Variants in TERT observed in about 807,000 individuals in gnomAD.
The protein encoded by TERT is telomerase catalytic subunit.
A neutral mutation model predicts 104.0 loss-of-function variants in TERT; 42 were observed. The ratio of observed to expected loss-of-function variants is 0.40; its 90% CI spans 0.32 to 0.52. TERT has a LOEUF of 0.52. Among genes scored for constraint, TERT ranks in the 20% least tolerant of loss-of-function variants. The pLI is 0.43. For missense variants in TERT, 1,101 were observed against 1,610.3 expected (o/e 0.68, Z 5.41); for synonymous variants, 781 against 725.6 (o/e 1.08, Z -1.23).
chr5:1,272,767 G>A (rs866698088), intron 6 of TERT, among the ~76,000 whole-genome samples: 5 of 6,562 alleles, frequency 7.6e-4, no homozygotes, highest in African/African-American at 1.9e-3. Flanking sequence ...CAGACCCCAC[G>A]ACCGCCATCC....
chr5:1,293,574 G>C lies in TERT; in HGVS notation c.1312C>G (p.Pro438Ala). The C allele has an allele frequency of 6.5e-7, 1 of 1,545,978 alleles. No homozygotes were observed. Residue 438 changes from proline (P) to alanine (A), a missense_variant, in exon 2 of 16, where the codon CCC becomes GCC. By Grantham distance (27) the Pro-to-Ala change is conservative. This residue lies in a region of TERT where 504 missense variants were observed against 544.6 expected (regional missense o/e 0.93). Transcript: ENST00000310581. ...REKPQGSVAAPEEEDTDPRRL... is the reference protein window; with the variant it reads ...REKPQGSVAAAEEEDTDPRRL... ...CGGGGGTCTGTGTCCTCCTCCTCGG[G>C]GGCCGCCACAGAGCCCTGGGGCTTC...
At position 1,294,297 on chromosome 5, in the gene TERT, G is replaced by C; in HGVS notation, c.589C>G (p.Leu197Val). 6.3e-7 allele frequency: 1 copy of C among 1,593,556 alleles called. No homozygotes were observed. Among genetic ancestry groups the C allele is most frequent in the Non-Finnish European group, 8.5e-7 (1 of 1,176,340 alleles). The part of the protein sequence containing the change: ...PPHASGPRRR[L>V]GCERAWNHSV... The stretch of plus-strand genomic sequence containing the variant: ...TGGTTCCAGGCCCGTTCGCATCCCA[G>C]ACGCCTTCGGGGTCCACTAGCGTGT... The change falls in exon 2 of 16, where the codon CTG becomes GTG. Residue 197 changes from leucine (L) to valine (V), a missense_variant. Coordinates refer to ENST00000310581, the MANE Select transcript of TERT (RefSeq NM_198253.3).
rs1750610463 is a variant in TERT at position 1,288,221 on chromosome 5, A to G, written c.1573+5092T>C. 6.6e-6 allele frequency among the ~76,000 whole-genome samples: 1 copy of G among 152,080 alleles called. No homozygotes were observed. The highest frequency in any genetic ancestry group is 6.6e-5 in the Admixed American group (1 of 15,136). ...TAACACTTTGAAGTATTTTAAGAAC[A>G]CTTGAAAGTGGCTGATGTTGAGATT... On this transcript the variant is annotated intron_variant, in intron 2 of 15. Coordinates refer to ENST00000310581, the MANE Select transcript of TERT (RefSeq NM_198253.3). This position sits in a 1 kb window ranked among gnomAD's most constrained non-coding sequence, Gnocchi z 5.3.
At chr5:1,276,556 T>TCCCACAGATC (rs1158136313) in intron 6 of TERT, among the ~76,000 whole-genome samples, 1 of 82,830 alleles carries the variant, frequency 1.2e-5, no homozygotes, top group Non-Finnish European at 2.4e-5. Flanking sequence ...TGAAAACCAA[T>TCCCACAGATC]CCCACCTACC....
At position 1,288,615 on chromosome 5, in the gene TERT, G is replaced by C. The variant is rs1011338247; in HGVS notation, c.1573+4698C>G. 7.2e-5 allele frequency among the ~76,000 whole-genome samples: 11 copies of C among 152,110 alleles called. No homozygotes were observed. Among genetic ancestry groups the C allele is most frequent in the Non-Finnish European group, 1.5e-4 (10 of 68,026 alleles). Reference sequence around the variant, plus strand: ...GCCACCCACCCAAGGGGGCCAAGCAGAGGGGCAGCTTGGGAGAAAACAGGA... The same window carrying C: ...GCCACCCACCCAAGGGGGCCAAGCACAGGGGCAGCTTGGGAGAAAACAGGA... On this transcript the variant is annotated intron_variant, in intron 2 of 15. Transcript: ENST00000310581. The surrounding 1 kb of genome is among the most constrained non-coding windows in gnomAD (Gnocchi z 5.3).
intron 6 of TERT, among the ~76,000 whole-genome samples, chr5:1,277,410 G>T (rs931194203): frequency 2.0e-5 from 3 of 152,220 alleles, no homozygotes; most frequent in Admixed American, 2.0e-4. Context: ...ATACATCCAC[G>T]TGGCGAGTTC....
At position 1,253,420 on chromosome 5, in the gene TERT, T is replaced by C. The variant is rs1747469600; in HGVS notation, c.*308A>G. On this transcript the variant is annotated 3_prime_UTR_variant, in exon 16 of 16. Coordinates refer to ENST00000310581, the MANE Select transcript of TERT (RefSeq NM_198253.3). ...AATCTGGGGATGGACTATTCCTATG[T>C]GGGGAGTGGAAGCCGGGCTCCTGGT... 1.9e-6 allele frequency: 1 copy of C among 526,626 alleles called. No homozygotes were observed. Among genetic ancestry groups the C allele is most frequent in the Non-Finnish European group, 3.4e-6 (1 of 289,920 alleles). The allele number at this position is 526,626 out of a possible 1,614,324, so 32.6% of individuals were successfully genotyped here.
intron 3 of TERT, among the ~76,000 whole-genome samples, chr5:1,281,483 C>G (rs184154913): frequency 1.3e-5 from 2 of 152,204 alleles, no homozygotes; most frequent in Non-Finnish European, 2.9e-5. Context: ...GGGCGGGACA[C>G]GGAGAAGCTA....
chr5:1,273,654 CCA>C (rs1289098669), intron 6 of TERT, among the ~76,000 whole-genome samples: 5 of 27,116 alleles, frequency 1.8e-4, no homozygotes, highest in African/African-American at 6.4e-4. Context: ...CAACCGCCAT[CCA>C]CAGTCACCAC....
intron 11 of TERT, 132 bp downstream of exon 11, chr5:1,264,272 C>T (rs1430884036): frequency 8.5e-6 from 8 of 937,576 alleles, no homozygotes; most frequent in Non-Finnish European, 1.2e-5. Context: ...GGACGAGGGG[C>T]ACCCTGTGGC....
In TERT at chr5:1,279,266, G is replaced by C. The variant is rs1344175068; in HGVS notation, c.2130+25C>G. 10 of 1,557,796 alleles carry C rather than the reference G, an allele frequency of 6.4e-6. No homozygotes were observed. In the South Asian group the frequency reaches 1.1e-4, roughly 17 times the overall value. On this transcript the variant is annotated intron_variant, in intron 5 of 15. Transcript: ENST00000310581. ...GCCACTCCCAAGGTCCAGCAGGGCTGCTCACGGGGGTCCCCGGCACCCACC... is the reference window on the plus strand; with the variant it reads ...GCCACTCCCAAGGTCCAGCAGGGCTCCTCACGGGGGTCCCCGGCACCCACC...
At position 1,294,276 on chromosome 5, in the gene TERT, T is replaced by A; in HGVS notation, c.610A>T (p.Asn204Tyr). 1.3e-6 allele frequency: 2 copies of A among 1,594,206 alleles called. No individual in the cohort carries two copies. Among genetic ancestry groups the A allele is most frequent in the Non-Finnish European group, 1.7e-6 (2 of 1,176,518 alleles). The change falls in exon 2 of 16, where the codon AAC becomes TAC. Residue 204 changes from asparagine (N) to tyrosine (Y), a missense_variant. Coordinates refer to ENST00000310581, the MANE Select transcript of TERT (RefSeq NM_198253.3). ...RRRLGCERAW[N>Y]HSVREAGVPL... ...ACCCCGGCCTCCCTGACGCTATGGT[T>A]CCAGGCCCGTTCGCATCCCAGACGC... is the stretch of plus-strand genomic sequence containing the variant.
Position 1,261,743 on chromosome 5 carries a change from T to G in TERT, c.2844-1143A>C, listed in dbSNP as rs1162220867. On this transcript the variant is annotated intron_variant, in intron 11 of 15. Transcript: ENST00000310581. The surrounding 1 kb of genome is among the most constrained non-coding windows in gnomAD (Gnocchi z 7.4). ...TTTCACAGCCATCCCCAACACGACCTTGGGCTCCGGCTCACCCTGAGCCTA... is the reference window on the plus strand; with the variant it reads ...TTTCACAGCCATCCCCAACACGACCGTGGGCTCCGGCTCACCCTGAGCCTA... Among the ~76,000 whole-genome samples, 2 of 152,190 alleles carry G rather than the reference T, an allele frequency of 1.3e-5. No homozygotes were observed. Among genetic ancestry groups the G allele is most frequent in the Non-Finnish European group, 2.9e-5 (2 of 68,032 alleles).
At chr5:1,279,649 G>A (rs1251745726) in intron 4 of TERT, among the ~76,000 whole-genome samples, 179 bp from the exon 5 acceptor site, 1 of 152,328 alleles carries the variant, frequency 6.6e-6, no homozygotes, top group East Asian at 1.9e-4. Flanking sequence ...GGCCGCATGT[G>A]TGTTGCACAC....
rs976098990 is a variant in TERT at position 1,257,674 on chromosome 5, G to T, written c.3032+924C>A. ...CAGAGCATGAAGGCGCAAGCACTCG[G>T]GTTAAAAACCATTTTCATGGTACGA... On this transcript the variant is annotated intron_variant, in intron 13 of 15. Coordinates refer to ENST00000310581, the MANE Select transcript of TERT (RefSeq NM_198253.3). This position sits in a 1 kb window ranked among gnomAD's most constrained non-coding sequence, Gnocchi z 5.6. 6.6e-6 allele frequency among the ~76,000 whole-genome samples: 1 copy of T among 152,204 alleles called. No individual in the cohort carries two copies. The highest frequency in any genetic ancestry group is 2.4e-5 in the African/African-American group (1 of 41,448).
In TERT at chr5:1,288,320, A is replaced by T. The variant is rs181211056; in HGVS notation, c.1573+4993T>A. Among the ~76,000 whole-genome samples, 17 of 152,336 alleles carry T rather than the reference A, an allele frequency of 1.1e-4. No individual in the cohort carries two copies. Among genetic ancestry groups the T allele is most frequent in the African/African-American group, 4.1e-4 (17 of 41,582 alleles). On this transcript the variant is annotated intron_variant, in intron 2 of 15. Transcript: ENST00000310581. This position sits in a 1 kb window ranked among gnomAD's most constrained non-coding sequence, Gnocchi z 5.3. ...AGGCATGACTAAACTAAGAAGCTAG[A>T]AAAGGAATGAAAGAATAAACCAAGA...
At chr5:1,278,535 GA>G in intron 6 of TERT, 105 bp downstream of exon 6, 1 of 1,495,148 alleles carries the variant, frequency 6.7e-7, no homozygotes, top group Non-Finnish European at 9.3e-7. Flanking sequence ...GTAAATCATG[GA>G]AGTACCTCCA....
rs1188865103 is a variant in TERT, at chr5:1,268,457, A to G, written c.2582+63T>C. 2 of 1,251,410 alleles carry G rather than the reference A, an allele frequency of 1.6e-6. No individual in the cohort carries two copies. Among genetic ancestry groups the G allele is most frequent in the East Asian group, 2.4e-5 (1 of 40,862 alleles). The allele number at this position is 1,251,410 out of a possible 1,614,324, so 77.5% of individuals were successfully genotyped here. On this transcript the variant is annotated intron_variant, in intron 9 of 15. Coordinates refer to ENST00000310581, the MANE Select transcript of TERT (RefSeq NM_198253.3). This position sits in a 1 kb window ranked among gnomAD's most constrained non-coding sequence, Gnocchi z 5.5. ...TCTCCAGAGCACCAGGAATATTAACACTGAATGCATCAAAAGCAAATCAAC... is the reference window on the plus strand; with the variant it reads ...TCTCCAGAGCACCAGGAATATTAACGCTGAATGCATCAAAAGCAAATCAAC...
At position 1,270,286 on chromosome 5, in the gene TERT, G is replaced by A. The variant is rs187800540; in HGVS notation, c.2468+833C>T. On this transcript the variant is annotated intron_variant, in intron 8 of 15. Coordinates refer to ENST00000310581, the MANE Select transcript of TERT (RefSeq NM_198253.3). The surrounding 1 kb of genome is among the most constrained non-coding windows in gnomAD (Gnocchi z 8.3). ...GTTATATTTTTAAATAAAAGCTTCC[G>A]AAGCTGTGCACAGTCCTTTATCCGC... Among the ~76,000 whole-genome samples the A allele has an allele frequency of 7.9e-4, 120 of 152,182 alleles. 1 individual carries two copies. The highest frequency in any genetic ancestry group is 4.7e-4 in the Non-Finnish European group (32 of 68,004).
Sources: gnomAD v4.1 joint callset for allele counts (sites outside exome capture counted in the v4.1 genomes callset) on GRCh38, gnomAD v4.1.1 for gene constraint, gnomAD v4.1.1 regional missense constraint, Gnocchi (gnomAD v3.1) non-coding constraint, MANE v1.5 for transcripts, NCBI Gene and HGNC (gene_info 2026-07-23, HGNC 2026-07-21) for gene names.